Variants in GRIK1 observed in about 807,000 individuals in gnomAD.
GRIK1 encodes glutamate ionotropic receptor kainate type subunit 1, also known as glutamate receptor ionotropic, kainate 1.
GRIK1 carries 69 observed loss-of-function variants against 105.7 expected under a neutral mutation model. The observed-to-expected ratio is 0.65, with a 90% CI of 0.54 to 0.80. The LOEUF is 0.80. Ranked by LOEUF, GRIK1 falls within the 30% of genes least tolerant of loss-of-function variation. GRIK1 has a pLI of 0.00. For missense variants in GRIK1, 1,109 were observed against 1,167.3 expected, an observed-to-expected ratio of 0.95 and a Z score of 0.73; for synonymous variants, 438 against 431.3, an observed-to-expected ratio of 1.02 and a Z score of -0.19.
intron 4 of GRIK1, among the ~76,000 whole-genome samples, chr21:29,664,016 A>G (rs1336127366): frequency 6.6e-6 from 1 of 152,168 alleles, no homozygotes; most frequent in African/African-American, 2.4e-5. Context: ...TAACTAATGA[A>G]TGTGAAAGGT....
At chr21:29,715,477 T>G (rs2073314569) in intron 1 of GRIK1, among the ~76,000 whole-genome samples, 1 of 151,726 alleles carries the variant, frequency 6.6e-6, no homozygotes, top group South Asian at 2.1e-4. Flanking sequence ...AATATTTTAA[T>G]GTAATATTTA....
chr21:29,564,672 A>G (rs537347048), intron 14 of GRIK1, among the ~76,000 whole-genome samples: 6 of 152,246 alleles, frequency 3.9e-5, no homozygotes, highest in East Asian at 3.9e-4. Flanking sequence ...ATTATTTTCA[A>G]TCTATGGCAG....
chr21:29,748,602 T>C (rs577250902), intron 1 of GRIK1, among the ~76,000 whole-genome samples: 6 of 152,358 alleles, frequency 3.9e-5, no homozygotes, highest in Admixed American at 2.6e-4. Flanking sequence ...CAGAATAGTA[T>C]AAGCATTTGT....
chr21:29,563,928 G>A (rs2090546590), intron 14 of GRIK1, among the ~76,000 whole-genome samples: 1 of 152,116 alleles, frequency 6.6e-6, no homozygotes, highest in Non-Finnish European at 1.5e-5. Context: ...TCTTTCCACT[G>A]TACCATGCTG....
intron 7 of GRIK1, among the ~76,000 whole-genome samples, chr21:29,626,141 G>C (rs1214664686): frequency 6.6e-6 from 1 of 152,168 alleles, no homozygotes; most frequent in Non-Finnish European, 1.5e-5. Flanking sequence ...GAGGCTGGGA[G>C]GTCTAACATT....
At chr21:29,661,342 A>C (rs1182308549) in intron 4 of GRIK1, among the ~76,000 whole-genome samples, 1 of 152,200 alleles carries the variant, frequency 6.6e-6, no homozygotes, top group Non-Finnish European at 1.5e-5. Flanking sequence ...CTGGAGATGG[A>C]TTTTACAGAT....
At chr21:29,703,423 TA>T (rs1329892144) in intron 1 of GRIK1, among the ~76,000 whole-genome samples, 2 of 145,390 alleles carry the variant, frequency 1.4e-5, no homozygotes, top group Non-Finnish European at 2.9e-5. Flanking sequence ...AGCTGCTCCT[TA>T]AATATACAAT....
chr21:29,906,859 C>G (rs1334464165), intron 1 of GRIK1, among the ~76,000 whole-genome samples: 1 of 152,022 alleles, frequency 6.6e-6, no homozygotes, highest in Admixed American at 6.6e-5. Context: ...TTCCTTAGGA[C>G]TAACTACATG....
chr21:29,676,310 G>A (rs2063265816), intron 3 of GRIK1, among the ~76,000 whole-genome samples: 1 of 152,150 alleles, frequency 6.6e-6, no homozygotes, highest in African/African-American at 2.4e-5. Context: ...CAAAGAACAG[G>A]GAGGGAGTGA....
intron 1 of GRIK1, among the ~76,000 whole-genome samples, chr21:29,707,806 C>T (rs1445719700): frequency 1.3e-5 from 2 of 152,120 alleles, no homozygotes; most frequent in East Asian, 3.9e-4. Context: ...TTTCTCCTGT[C>T]ATTTTCACAT....
intron 6 of GRIK1, among the ~76,000 whole-genome samples, chr21:29,647,864 G>C (rs994846962): frequency 6.6e-6 from 1 of 152,028 alleles, no homozygotes; most frequent in Non-Finnish European, 1.5e-5. Flanking sequence ...TTTTAATAAC[G>C]AGTTTTACTG....
At chr21:29,819,302 A>G (rs1394725442) in intron 1 of GRIK1, among the ~76,000 whole-genome samples, 1 of 152,106 alleles carries the variant, frequency 6.6e-6, no homozygotes, top group East Asian at 1.9e-4. Flanking sequence ...TTTATGCATA[A>G]AGGCTGGCTG....
chr21:29,687,179 G>A (rs1423128268), intron 3 of GRIK1, among the ~76,000 whole-genome samples: 2 of 152,196 alleles, frequency 1.3e-5, no homozygotes, highest in Non-Finnish European at 2.9e-5. Flanking sequence ...TTCAATGGGA[G>A]TAATGGGCCA....
chr21:29,939,451 G>C lies in GRIK1; in HGVS notation c.50C>G (p.Thr17Ser), dbSNP rs756292525. Residue 17 changes from threonine (T) to serine (S), a missense_variant, in exon 1 of 18, where the codon ACC (threonine) becomes AGC (serine). By Grantham distance (58) the Thr-to-Ser change is moderately conservative. Coordinates refer to ENST00000327783, the MANE Select transcript of GRIK1 (RefSeq NM_001330994.2). ...LAQPGLWTRD[T>S]SWALLYFLCY... The stretch of plus-strand genomic sequence containing the variant: ...GAGGAAATAGAGGAGTGCCCAGCTG[G>C]TGTCCCTGGTCCAGAGCCCGGGCTG... 1.2e-6 allele frequency: 2 copies of C among 1,602,136 alleles called. No individual in the cohort carries two copies. The highest frequency in any genetic ancestry group is 4.6e-5 in the East Asian group (2 of 43,642).
At position 29,865,000 on chromosome 21, in the gene GRIK1, A is replaced by G. The variant is rs545970857; in HGVS notation, c.118+74383T>C. ...ATTCAGAACAGTCCCACAATGAAGC[A>G]TTATCCAGCTCTGAATATCACTGAT... On this transcript the variant is annotated intron_variant, in intron 1 of 17. Transcript: ENST00000327783. Among the ~76,000 whole-genome samples the G allele has an allele frequency of 2.7e-3, 409 of 152,318 alleles. 2 individuals are homozygous for G. Among genetic ancestry groups the G allele is most frequent in the Middle Eastern group, 3.4e-3 (1 of 294 alleles).
chr21:29,900,100 G>T (rs149959515), intron 1 of GRIK1, among the ~76,000 whole-genome samples: 428 of 126,548 alleles, frequency 3.4e-3, no homozygotes, highest in African/African-American at 5.2e-3. Context: ...AAAAAAAAAA[G>T]AAAATAAAAA....
At chr21:29,542,892 A>T (rs2089993589) in intron 16 of GRIK1, among the ~76,000 whole-genome samples, 1 of 152,200 alleles carries the variant, frequency 6.6e-6, no homozygotes, top group African/African-American at 2.4e-5. Context: ...ACAGTCTGAT[A>T]AATTTTCACA....
chr21:29,817,197 C>T (rs561306146), intron 1 of GRIK1, among the ~76,000 whole-genome samples: 8 of 152,064 alleles, frequency 5.3e-5, no homozygotes, highest in African/African-American at 1.9e-4. Flanking sequence ...AGATTTGGTA[C>T]AATTTGTGCA....
At position 29,589,017 on chromosome 21, in the gene GRIK1, T is replaced by C. The variant is rs1354030277; in HGVS notation, c.1391A>G (p.Lys464Arg). 3 of 1,594,896 alleles carry C rather than the reference T, an allele frequency of 1.9e-6. No homozygotes were observed. In the South Asian group the frequency reaches 3.3e-5, roughly 18 times the overall value. The change falls in exon 11 of 18, where the codon AAA becomes AGA. Residue 464 changes from lysine to arginine, a missense_variant. By Grantham distance (26) the Lys-to-Arg change is conservative (BLOSUM62 2). Transcript: ENST00000327783. ...ATTTCCATATAGAGGCTTATCAGAT[T>C]TCCTGTACATAACATAGGGTTCTTC... ...ILEEPYVMYRKSDKPLYGNDR... is the reference protein window; with the variant it reads ...ILEEPYVMYRRSDKPLYGNDR...
Sources: gnomAD v4.1 joint callset for allele counts (sites outside exome capture counted in the v4.1 genomes callset) on GRCh38, gnomAD v4.1.1 for gene constraint, MANE v1.5 for transcripts, NCBI Gene and HGNC (gene_info 2026-07-23, HGNC 2026-07-21) for gene names.